SEMA3A: variants seen among roughly 807,000 people sequenced by gnomAD.
SEMA3A encodes the protein semaphorin 3A, also known as semaphorin-3A.
In SEMA3A, 29 loss-of-function variants were observed where a neutral mutation model predicts 97.9. The ratio of observed to expected loss-of-function variants is 0.30; its 90% CI spans 0.22 to 0.40. SEMA3A has a LOEUF of 0.40. SEMA3A is among the 10% of genes least tolerant of loss of function. SEMA3A has a pLI of 1.00. For synonymous variants in SEMA3A, 321 were observed against 323.7 expected (o/e 0.99, Z 0.09); for missense variants, 763 against 951.3 (o/e 0.80, Z 2.60).
At chr7:84,312,694 C>T (rs1181707405) in intron 2 of SEMA3A, among the ~76,000 whole-genome samples, 1 of 148,372 alleles carries the variant, frequency 6.7e-6, no homozygotes, top group Admixed American at 6.7e-5. Flanking sequence ...TACACAAACA[C>T]TCTTTGGAGA....
chr7:84,006,793 A>G (rs545254808), intron 10 of SEMA3A, among the ~76,000 whole-genome samples: 1 of 152,168 alleles, frequency 6.6e-6, no homozygotes, highest in Non-Finnish European at 1.5e-5. Flanking sequence ...AAAAATATTA[A>G]TAATTCATGA....
At chr7:84,404,228 C>T (rs934009772) in intron 1 of SEMA3A, among the ~76,000 whole-genome samples, 91 of 152,054 alleles carry the variant, frequency 6.0e-4, no homozygotes, top group African/African-American at 2.2e-3. Context: ...AACCACAGGA[C>T]GAGAACTACG....
intron 4 of SEMA3A, among the ~76,000 whole-genome samples, chr7:84,068,364 G>A (rs1231342723): frequency 6.9e-6 from 1 of 144,868 alleles, no homozygotes; most frequent in Admixed American, 7.0e-5. Context: ...CATGGCACAT[G>A]TATACATATG....
At chr7:84,010,512 T>C (rs930805834) in intron 9 of SEMA3A, among the ~76,000 whole-genome samples, 1 of 152,176 alleles carries the variant, frequency 6.6e-6, no homozygotes, top group Non-Finnish European at 1.5e-5. Flanking sequence ...CAGATTCCCA[T>C]GCTAATCATC....
At chr7:84,466,833 G>C (rs914650689) in intron 1 of SEMA3A, among the ~76,000 whole-genome samples, 10 of 152,184 alleles carry the variant, frequency 6.6e-5, no homozygotes, top group African/African-American at 2.4e-4. Flanking sequence ...GTGAGCTTGA[G>C]TTGATAGAGG....
chr7:84,246,155 C>G (rs1327862625), intron 3 of SEMA3A, among the ~76,000 whole-genome samples: 3 of 152,198 alleles, frequency 2.0e-5, no homozygotes, highest in African/African-American at 7.2e-5. Context: ...TGTTTACACT[C>G]AGTTGGAAAT....
chr7:84,037,889 T>C (rs1791997621), intron 6 of SEMA3A, among the ~76,000 whole-genome samples: 1 of 152,120 alleles, frequency 6.6e-6, no homozygotes, highest in African/African-American at 2.4e-5. Flanking sequence ...TATTCTCTTG[T>C]CTAATTTCTT....
chr7:84,383,632 T>C (rs1340157457), intron 1 of SEMA3A, among the ~76,000 whole-genome samples: 2 of 152,170 alleles, frequency 1.3e-5, no homozygotes, highest in Non-Finnish European at 2.9e-5. Context: ...TGTGATCAAA[T>C]AGAACAGATT....
At chr7:84,161,673 C>G (rs1797039072) in intron 1 of SEMA3A, among the ~76,000 whole-genome samples, 1 of 152,084 alleles carries the variant, frequency 6.6e-6, no homozygotes, top group Admixed American at 6.5e-5. Context: ...ACTGCTAGAT[C>G]TTTATGGTCT....
chr7:84,462,410 T>C (rs963389260), intron 1 of SEMA3A, among the ~76,000 whole-genome samples: 1 of 152,182 alleles, frequency 6.6e-6, no homozygotes, highest in Non-Finnish European at 1.5e-5. Flanking sequence ...AGGAATTTTA[T>C]GTAAAGAAGC....
At chr7:84,441,445 A>G (rs1805271900) in intron 1 of SEMA3A, among the ~76,000 whole-genome samples, 1 of 152,026 alleles carries the variant, frequency 6.6e-6, no homozygotes, top group Admixed American at 6.5e-5. Context: ...TGATTTTAGC[A>G]GGCAAAATAA....
rs34158057 is a variant in SEMA3A, at chr7:84,029,810, TACAC to T, written c.668-15463_668-15460del. On this transcript the variant is annotated intron_variant, in intron 6 of 16. Coordinates refer to ENST00000265362, the MANE Select transcript of SEMA3A (RefSeq NM_006080.3). ...CATTTGCACACACATCCCTTCCATA[TACAC>T]ACACACACACACACACACACACACA... 2.5e-3 allele frequency among the ~76,000 whole-genome samples: 289 copies of T among 116,840 alleles called. 1 individual carries two copies. The highest frequency in any genetic ancestry group is 7.3e-3 in the African/African-American group (208 of 28,622). 76.7% of individuals were successfully genotyped at this position (116,840 alleles called of 152,430 possible).
chr7:84,369,488 A>AGG lies in SEMA3A; in HGVS notation c.-169+2335_-169+2336insCC, dbSNP rs1190431607. ...AGCTTGTTTAAGAGAGTTGCCATGA[A>AGG]GTGACAGACTTGGTACGAAAGAAGA... is the stretch of plus-strand genomic sequence containing the variant. On this transcript the variant is annotated intron_variant, in intron 2 of 3. Transcript: ENST00000424555. 4.7e-3 allele frequency among the ~76,000 whole-genome samples: 712 copies of AGG among 151,342 alleles called. 7 individuals carry two copies. Among genetic ancestry groups the AGG allele is most frequent in the African/African-American group, 0.016 (658 of 41,480 alleles).
At chr7:84,152,913 A>T (rs899389303) in intron 1 of SEMA3A, among the ~76,000 whole-genome samples, 1 of 152,146 alleles carries the variant, frequency 6.6e-6, no homozygotes, top group Non-Finnish European at 1.5e-5. Context: ...GAATTGTAAA[A>T]TTGAGAAAAA....
intron 3 of SEMA3A, among the ~76,000 whole-genome samples, chr7:84,211,547 A>G (rs562187662): frequency 6.0e-4 from 91 of 151,956 alleles, no homozygotes; most frequent in Non-Finnish European, 1.1e-3. Context: ...CTTGGAACCC[A>G]TAAGGTGGAG....
At chr7:84,252,295 AT>A (rs949648941) in intron 3 of SEMA3A, among the ~76,000 whole-genome samples, 1 of 152,226 alleles carries the variant, frequency 6.6e-6, no homozygotes, top group African/African-American at 2.4e-5. Context: ...ACAGTCAGTC[AT>A]GTGGAAATAG....
At chr7:84,341,730 A>G (rs1018708200) in intron 2 of SEMA3A, among the ~76,000 whole-genome samples, 7 of 152,072 alleles carry the variant, frequency 4.6e-5, no homozygotes, top group Admixed American at 2.0e-4. Context: ...GTTGTCCTTT[A>G]GTGTAGTCTC....
intron 2 of SEMA3A, among the ~76,000 whole-genome samples, chr7:84,320,655 T>G (rs201117192): frequency 1.3e-5 from 2 of 151,016 alleles, no homozygotes; most frequent in African/African-American, 4.9e-5. Context: ...GAGAAATAAA[T>G]TATTTTTTTT....
At chr7:84,342,682 C>A (rs1205790572) in intron 2 of SEMA3A, among the ~76,000 whole-genome samples, 1 of 152,078 alleles carries the variant, frequency 6.6e-6, no homozygotes, top group Non-Finnish European at 1.5e-5. Flanking sequence ...CTATGGTTGG[C>A]AATTACGTGT....
Sources: gnomAD v4.1 joint callset for allele counts (sites outside exome capture counted in the v4.1 genomes callset) on GRCh38, gnomAD v4.1.1 for gene constraint, MANE v1.5 for transcripts, NCBI Gene and HGNC (gene_info 2026-07-23, HGNC 2026-07-21) for gene names.